Variants in UGT1A10 observed in about 807,000 individuals in gnomAD.
UGT1A10 encodes UDP glucuronosyltransferase family 1 member A10.
Under a neutral mutation model 45.8 loss-of-function variants are expected in UGT1A10, and 49 were observed. The observed-to-expected ratio is 1.07, with a 90% CI of 0.85 to 1.36. UGT1A10 has a LOEUF of 1.36. Ranked by LOEUF, UGT1A10 falls within the 40% of genes most tolerant of loss-of-function variation. The pLI is 0.00. For synonymous variants in UGT1A10, 284 were observed against 249.7 expected (o/e 1.14, Z -1.29); for missense variants, 745 against 668.6 (o/e 1.11, Z -1.26).
intron 1 of UGT1A10, among the ~76,000 whole-genome samples, chr2:233,731,894 C>A (rs1470586397): frequency 6.6e-6 from 1 of 152,238 alleles, no homozygotes; most frequent in Non-Finnish European, 1.5e-5. Context: ...AATTTACACT[C>A]CCACCAATGG....
chr2:233,704,177 C>T lies in UGT1A10; in HGVS notation c.856-62857C>T, dbSNP rs568272633. Among the ~76,000 whole-genome samples the T allele has an allele frequency of 4.6e-5, 7 of 151,930 alleles. No homozygotes were observed. In the South Asian group the frequency reaches 1.0e-3, roughly 23 times the overall value. ...AAGTACTGGGATTACAGGTGTGAGC[C>T]ACTGTGCCTGGCCCCATTTTACTTT... On this transcript the variant is annotated intron_variant, in intron 1 of 4. Transcript: ENST00000344644.
At chr2:233,771,270 C>A (rs1244273988) in intron 4 of UGT1A10, 1 of 150,946 alleles carries the variant, frequency 6.6e-6, no homozygotes, top group African/African-American at 2.4e-5. Context: ...CTTTTTTTTT[C>A]TTTCTTCTCC....
chr2:233,674,692 A>T (rs1029159976), intron 1 of UGT1A10, among the ~76,000 whole-genome samples: 2 of 152,200 alleles, frequency 1.3e-5, no homozygotes, highest in African/African-American at 4.8e-5. Context: ...TCTATTAAAG[A>T]ATATGGATGT....
intron 1 of UGT1A10, chr2:233,750,518 C>A (rs560132107): frequency 6.6e-6 from 1 of 152,090 alleles, no homozygotes; most frequent in South Asian, 2.1e-4. Flanking sequence ...ATTGCCAAGA[C>A]AATGGGGAAA....
intron 1 of UGT1A10, among the ~76,000 whole-genome samples, chr2:233,699,349 C>A (rs951769721): frequency 6.6e-6 from 1 of 152,184 alleles, no homozygotes; most frequent in African/African-American, 2.4e-5. Context: ...TAGGGCTAAC[C>A]TCTTTTCTTA....
At chr2:233,760,175 C>T (rs2125979710) in intron 1 of UGT1A10, 1 of 1,540,768 alleles carries the variant, frequency 6.5e-7, no homozygotes, top group Non-Finnish European at 8.7e-7. Flanking sequence ...GGACTGACAG[C>T]TTTTTATAGT....
intron 1 of UGT1A10, chr2:233,671,936 T>G: frequency 1.9e-6 from 3 of 1,605,090 alleles, no homozygotes; most frequent in South Asian, 2.2e-5. Context: ...AGTTCTCTGA[T>G]GGCTTGCACA....
At chr2:233,660,197 C>T (rs2073936817) in intron 1 of UGT1A10, among the ~76,000 whole-genome samples, 1 of 152,200 alleles carries the variant, frequency 6.6e-6, no homozygotes, top group Non-Finnish European at 1.5e-5. Flanking sequence ...ACAAGGACAT[C>T]TTCCACAGTG....
intron 1 of UGT1A10, among the ~76,000 whole-genome samples, chr2:233,751,632 T>C (rs1694768911): frequency 1.3e-5 from 2 of 152,196 alleles, no homozygotes; most frequent in Non-Finnish European, 2.9e-5. Context: ...ATGTGTGCAG[T>C]TTCCCCCTTG....
At chr2:233,687,422 C>T (rs907615477) in intron 1 of UGT1A10, among the ~76,000 whole-genome samples, 1 of 151,774 alleles carries the variant, frequency 6.6e-6, no homozygotes, top group East Asian at 1.9e-4. Context: ...GGAGGCTTAC[C>T]GTGTACCAGG....
chr2:233,750,415 A>C (rs2885296), intron 1 of UGT1A10, among the ~76,000 whole-genome samples: 45,966 of 151,754 alleles, frequency 0.3, 7,352 homozygotes, highest in South Asian at 0.39. Context: ...CATGTGGTAG[A>C]AAAGAAAAAC....
chr2:233,704,493 GT>G (rs1301421606), intron 1 of UGT1A10, among the ~76,000 whole-genome samples: 1 of 151,394 alleles, frequency 6.6e-6, no homozygotes, highest in East Asian at 1.9e-4. Context: ...TGATATTATT[GT>G]TATACGTGGT....
intron 1 of UGT1A10, among the ~76,000 whole-genome samples, chr2:233,674,532 G>T (rs1475217323): frequency 6.6e-6 from 1 of 151,966 alleles, no homozygotes; most frequent in Admixed American, 6.6e-5. Flanking sequence ...GTCACCCAGA[G>T]GCCTTTAGAG....
At chr2:233,637,568 T>C (rs1421875012) in intron 1 of UGT1A10, among the ~76,000 whole-genome samples, 191 bp downstream of exon 1, 2 of 152,248 alleles carry the variant, frequency 1.3e-5, no homozygotes, top group South Asian at 2.1e-4. Context: ...TTCTTGAAAG[T>C]ATATGTAATA....
At chr2:233,735,560 T>C (rs1442054621) in intron 1 of UGT1A10, among the ~76,000 whole-genome samples, 1 of 152,236 alleles carries the variant, frequency 6.6e-6, no homozygotes, top group African/African-American at 2.4e-5. Flanking sequence ...ATTATGGTGT[T>C]ATCGGGTTAT....
At chr2:233,671,848 G>T in intron 1 of UGT1A10, 2 of 1,497,626 alleles carry the variant, frequency 1.3e-6, no homozygotes, top group Non-Finnish European at 8.9e-7. Flanking sequence ...CCTCTATTGG[G>T]GTCAGGTTTT....
At chr2:233,719,439 T>C (rs2076766360) in intron 1 of UGT1A10, 1 of 1,613,970 alleles carries the variant, frequency 6.2e-7, no homozygotes, top group Non-Finnish European at 8.5e-7. Context: ...CCACATGACA[T>C]TCCTGCAAAG....
intron 1 of UGT1A10, among the ~76,000 whole-genome samples, chr2:233,647,762 A>G (rs969969801): frequency 9.9e-5 from 15 of 152,182 alleles, no homozygotes; most frequent in African/African-American, 3.6e-4. Flanking sequence ...GGTAATTTAT[A>G]TCTTCTGTCT....
rs761652085 is a variant in UGT1A10, at chr2:233,739,540, G to A, written c.856-27494G>A. On this transcript the variant is annotated intron_variant, in intron 1 of 4. Transcript: ENST00000344644. ...TGAAGTCAAGGGAGATTATTTTGGA[G>A]CTTTAAGATTTAATGACTGCCCTGC... Among the ~76,000 whole-genome samples, 14 of 152,360 alleles carry A rather than the reference G, an allele frequency of 9.2e-5. No homozygotes were observed. The South Asian group carries it at 2.1e-3, about 23-fold the overall frequency.
Sources: gnomAD v4.1 joint callset for allele counts (sites outside exome capture counted in the v4.1 genomes callset) on GRCh38, gnomAD v4.1.1 for gene constraint, MANE v1.5 for transcripts, NCBI Gene and HGNC (gene_info 2026-07-23, HGNC 2026-07-21) for gene names.